The following AGPAT4 variants were observed in gnomAD, a reference collection of about 807,000 sequenced individuals.
AGPAT4 encodes 1-acyl-sn-glycerol-3-phosphate acyltransferase delta.
In AGPAT4, 15 loss-of-function variants were observed where a neutral mutation model predicts 48.0. That is an observed-to-expected ratio of 0.31 (90% CI 0.21 to 0.48). The LOEUF is 0.48. Among genes scored for constraint, AGPAT4 ranks in the 20% least tolerant of loss-of-function variants. The probability of loss-of-function intolerance (pLI) is 0.99; values close to 1 mark genes in which losing one functional copy is unlikely to be tolerated. For synonymous variants in AGPAT4, 178 were observed against 198.7 expected, an observed-to-expected ratio of 0.90 and a Z score of 0.88; for missense variants, 314 against 482.5, an observed-to-expected ratio of 0.65 and a Z score of 3.27.
At chr6:161,192,110 C>T (rs1292517595) in intron 2 of AGPAT4, among the ~76,000 whole-genome samples, 1 of 132,064 alleles carries the variant, frequency 7.6e-6, no homozygotes, top group African/African-American at 2.8e-5. Context: ...TTGCAATAAA[C>T]ATTTTTTCCC....
In AGPAT4 at chr6:161,202,878, T is replaced by C. The variant is rs1048585957; in HGVS notation, c.178+29158A>G. Among the ~76,000 whole-genome samples the C allele has an allele frequency of 9.8e-5, 15 of 152,318 alleles. No individual in the cohort carries two copies. The Middle Eastern group carries it at 0.01, about 104-fold the overall frequency. ...TGAAGCTGTCTGCCATGGGGAAGCC[T>C]GGGCTATATGGATAGGTTACTCCAG... On this transcript the variant is annotated intron_variant, in intron 2 of 8. Transcript: ENST00000320285. This position sits in a 1 kb window ranked among gnomAD's most constrained non-coding sequence, Gnocchi z 5.4.
Position 161,212,094 on chromosome 6 carries a change from GT to G in AGPAT4, c.178+19941del. Among the ~76,000 whole-genome samples, 1 of 152,200 alleles carries G rather than the reference GT, an allele frequency of 6.6e-6. No homozygotes were observed. Among genetic ancestry groups the G allele is most frequent in the Middle Eastern group, 3.4e-3 (1 of 294 alleles). ...TGGGCCCCTGTGTCAAATTAACAAA[GT>G]TTTCTTGAAGCATTAACTGACTCCT... On this transcript the variant is annotated intron_variant, in intron 2 of 8. Coordinates refer to ENST00000320285, the MANE Select transcript of AGPAT4 (RefSeq NM_020133.3). This position sits in a 1 kb window ranked among gnomAD's most constrained non-coding sequence, Gnocchi z 6.1.
At chr6:161,167,154 A>G (rs553017463) in intron 2 of AGPAT4, among the ~76,000 whole-genome samples, 1 of 152,250 alleles carries the variant, frequency 6.6e-6, no homozygotes, top group South Asian at 2.1e-4. Flanking sequence ...TGGGTGATGG[A>G]CTTTGAAATG....
chr6:161,250,238 A>T (rs781230160), intron 1 of AGPAT4, among the ~76,000 whole-genome samples: 3 of 152,144 alleles, frequency 2.0e-5, no homozygotes, highest in Non-Finnish European at 2.9e-5. Flanking sequence ...AATAACTAAG[A>T]GGTAGTAGCT....
Position 161,166,717 on chromosome 6 carries a change from T to G in AGPAT4, c.179-300A>C, listed in dbSNP as rs1168318767. Among the ~76,000 whole-genome samples the G allele has an allele frequency of 6.6e-6, 1 of 152,188 alleles. No individual in the cohort carries two copies. Among genetic ancestry groups the G allele is most frequent in the East Asian group, 1.9e-4 (1 of 5,194 alleles). ...TCAGAAAGCCAGAATCCGTCAAGAA[T>G]TCATGCCCTTGTGTTTACAGAGCTC... is the stretch of plus-strand genomic sequence containing the variant. On this transcript the variant is annotated intron_variant, in intron 2 of 8. Coordinates refer to ENST00000320285, the MANE Select transcript of AGPAT4 (RefSeq NM_020133.3). The surrounding 1 kb of genome is among the most constrained non-coding windows in gnomAD (Gnocchi z 6.7).
rs1223554605 is a variant in AGPAT4 at position 161,225,216 on chromosome 6, T to C, written c.178+6820A>G. 6.6e-6 allele frequency among the ~76,000 whole-genome samples: 1 copy of C among 152,174 alleles called. No homozygotes were observed. The highest frequency in any genetic ancestry group is 1.5e-5 in the Non-Finnish European group (1 of 68,022). On this transcript the variant is annotated intron_variant, in intron 2 of 8. Transcript: ENST00000320285. This position sits in a 1 kb window ranked among gnomAD's most constrained non-coding sequence, Gnocchi z 5.0. ...CCTGACTCATTCTGATTCCGTCCCC[T>C]GTCATAACCATTTTTCCCGCCAAAC...
Position 161,146,063 on chromosome 6 carries a change from CAG to C in AGPAT4, c.843+459_843+460del, listed in dbSNP as rs1779413412. On this transcript the variant is annotated intron_variant, in intron 7 of 8. Coordinates refer to ENST00000320285, the MANE Select transcript of AGPAT4 (RefSeq NM_020133.3). This position sits in a 1 kb window ranked among gnomAD's most constrained non-coding sequence, Gnocchi z 7.1. ...AACTGGACCACAGACAGGAACAGGA[CAG>C]GGGGCACCACAGCAGGTTCGAACCC... Among the ~76,000 whole-genome samples, 1 of 151,602 alleles carries C rather than the reference CAG, an allele frequency of 6.6e-6. No individual in the cohort carries two copies.
chr6:161,158,336 A>G lies in AGPAT4; in HGVS notation c.349-4026T>C, dbSNP rs1053329920. On this transcript the variant is annotated intron_variant, in intron 3 of 8. Transcript: ENST00000320285. The surrounding 1 kb of genome is among the most constrained non-coding windows in gnomAD (Gnocchi z 5.3). ...CCAACAGCTTTCAGAGAGAATGTAC[A>G]AGAAAATATACTAATTTCATCAATT... 6.6e-6 allele frequency among the ~76,000 whole-genome samples: 1 copy of G among 152,254 alleles called. No homozygotes were observed. Among genetic ancestry groups the G allele is most frequent in the African/African-American group, 2.4e-5 (1 of 41,464 alleles).
chr6:161,264,378 G>C lies in AGPAT4; in HGVS notation c.-90+9560C>G, dbSNP rs1344139645. On this transcript the variant is annotated intron_variant, in intron 1 of 8. Coordinates refer to ENST00000320285, the MANE Select transcript of AGPAT4 (RefSeq NM_020133.3). The surrounding 1 kb of genome is among the most constrained non-coding windows in gnomAD (Gnocchi z 6.8). ...TGGTCTAGGAAAACTCCAGCCTCCT[G>C]CCCTGTCCCACCTCACCCACTGGCC... 6.6e-6 allele frequency among the ~76,000 whole-genome samples: 1 copy of C among 152,008 alleles called. No homozygotes were observed. Among genetic ancestry groups the C allele is most frequent in the African/African-American group, 2.4e-5 (1 of 41,376 alleles).
chr6:161,175,725 T>C (rs1249464492), intron 2 of AGPAT4, among the ~76,000 whole-genome samples: 1 of 152,236 alleles, frequency 6.6e-6, no homozygotes, highest in African/African-American at 2.4e-5. Context: ...TTAATTGTGA[T>C]GTTAGGGTGT....
In AGPAT4 at chr6:161,262,759, C is replaced by A. The variant is rs1184244084; in HGVS notation, c.-90+11179G>T. On this transcript the variant is annotated intron_variant, in intron 1 of 8. Coordinates refer to ENST00000320285, the MANE Select transcript of AGPAT4 (RefSeq NM_020133.3). This position sits in a 1 kb window ranked among gnomAD's most constrained non-coding sequence, Gnocchi z 4.9. ...TTTGGGTAGCTTCTTGGGACTTGAA[C>A]TGGTACATTTCACACGCCTCTTTTG... 6.6e-6 allele frequency among the ~76,000 whole-genome samples: 1 copy of A among 152,188 alleles called. No homozygotes were observed. The highest frequency in any genetic ancestry group is 1.5e-5 in the Non-Finnish European group (1 of 68,046).
chr6:161,186,592 G>A (rs940743134), intron 2 of AGPAT4, among the ~76,000 whole-genome samples: 1 of 151,790 alleles, frequency 6.6e-6, no homozygotes, highest in African/African-American at 2.4e-5. Context: ...AAAGTCACCC[G>A]CTCCGCATGC....
intron 3 of AGPAT4, among the ~76,000 whole-genome samples, chr6:161,162,589 G>A (rs1471560478): frequency 2.0e-5 from 3 of 152,192 alleles, no homozygotes; most frequent in East Asian, 3.9e-4. Context: ...GCTGCACCTG[G>A]ATTCCTGACC....
intron 1 of AGPAT4, among the ~76,000 whole-genome samples, chr6:161,263,284 C>T (rs1314632245): frequency 2.0e-5 from 3 of 152,144 alleles, no homozygotes; most frequent in Admixed American, 6.5e-5. Flanking sequence ...TAGTTCATGC[C>T]TGTAGTCCCA....
Position 161,221,079 on chromosome 6 carries a change from G to A in AGPAT4, c.178+10957C>T, listed in dbSNP as rs766849633. 7.6e-4 allele frequency among the ~76,000 whole-genome samples: 116 copies of A among 152,212 alleles called. No individual in the cohort carries two copies. The highest frequency in any genetic ancestry group is 5.3e-4 in the Non-Finnish European group (36 of 68,000). ...ATTACAGGCATGAGCCACCGCACCC[G>A]GCCCCAGACAGCATATTTAAACAGA... On this transcript the variant is annotated intron_variant, in intron 2 of 8. Coordinates refer to ENST00000320285, the MANE Select transcript of AGPAT4 (RefSeq NM_020133.3). This position sits in a 1 kb window ranked among gnomAD's most constrained non-coding sequence, Gnocchi z 4.5.
intron 1 of AGPAT4, among the ~76,000 whole-genome samples, chr6:161,256,590 C>G (rs565703955): frequency 6.6e-6 from 1 of 152,332 alleles, no homozygotes; most frequent in East Asian, 1.9e-4. Context: ...CCAGCTTCCT[C>G]TGATAGCCAC....
chr6:161,203,583 G>T (rs1181202953), intron 2 of AGPAT4, among the ~76,000 whole-genome samples: 1 of 151,708 alleles, frequency 6.6e-6, no homozygotes, highest in Non-Finnish European at 1.5e-5. Flanking sequence ...TTTTAGTAGA[G>T]ACGGGGGTTT....
Position 161,215,117 on chromosome 6 carries a change from T to TGAGA in AGPAT4, c.178+16918_178+16919insTCTC, listed in dbSNP as rs1781609887. 6.6e-6 allele frequency among the ~76,000 whole-genome samples: 1 copy of TGAGA among 152,244 alleles called. No individual in the cohort carries two copies. The highest frequency in any genetic ancestry group is 2.4e-5 in the African/African-American group (1 of 41,466). On this transcript the variant is annotated intron_variant, in intron 2 of 8. Transcript: ENST00000320285. This position sits in a 1 kb window ranked among gnomAD's most constrained non-coding sequence, Gnocchi z 4.5. Reference sequence around the variant, plus strand: ...ACCCCATAGAGACTGTCTAGATGCTTCACATTTCTATAGGCTTGAGTACAA... The same window carrying TGAGA: ...ACCCCATAGAGACTGTCTAGATGCTTGAGACACATTTCTATAGGCTTGAGTACAA...
rs141337001 is a variant in AGPAT4, at chr6:161,254,243, A to G, written c.-90+19695T>C. Among the ~76,000 whole-genome samples the G allele has an allele frequency of 7.2e-5, 11 of 152,268 alleles. No individual in the cohort carries two copies. In the East Asian group the frequency reaches 2.1e-3, roughly 29 times the overall value. On this transcript the variant is annotated intron_variant, in intron 1 of 8. Transcript: ENST00000320285. This position sits in a 1 kb window ranked among gnomAD's most constrained non-coding sequence, Gnocchi z 5.9. ...AACATATGTCACTTGATATTGAAAAAGCTCTGTGACTTACTAGTGGACCCA... is the reference window on the plus strand; with the variant it reads ...AACATATGTCACTTGATATTGAAAAGGCTCTGTGACTTACTAGTGGACCCA...
Sources: gnomAD v4.1 joint callset for allele counts (sites outside exome capture counted in the v4.1 genomes callset) on GRCh38, gnomAD v4.1.1 for gene constraint, Gnocchi (gnomAD v3.1) non-coding constraint, MANE v1.5 for transcripts, NCBI Gene and HGNC (gene_info 2026-07-23, HGNC 2026-07-21) for gene names.